TSNAX: variants seen among roughly 807,000 people sequenced by gnomAD.
TSNAX encodes the protein translin-associated protein X.
TSNAX carries 12 observed loss-of-function variants against 33.0 expected under a neutral mutation model. That is an observed-to-expected ratio of 0.36 (90% CI 0.23 to 0.59). The LOEUF is 0.59. Ranked by LOEUF, TSNAX falls within the 20% of genes least tolerant of loss-of-function variation. TSNAX has a pLI of 0.74. For missense variants in TSNAX, 267 were observed against 341.3 expected (o/e 0.78, Z 1.72); for synonymous variants, 110 against 117.2 (o/e 0.94, Z 0.40).
At chr1:231,562,185 TATTA>T (rs1229051458) in intron 5 of TSNAX, among the ~76,000 whole-genome samples, 4 of 148,416 alleles carry the variant, frequency 2.7e-5, no homozygotes, top group Admixed American at 6.7e-5. Flanking sequence ...ATTATTAAAT[TATTA>T]ATTTAATTTA....
At position 231,565,102 on chromosome 1, in the gene TSNAX, T is replaced by C. The variant is rs566065458; in HGVS notation, c.*197T>C. ...TTCTTATATCTTATTCATGAAAGTT[T>C]GCATACAGATGTTTGCATATATGCC... is the stretch of plus-strand genomic sequence containing the variant. On this transcript the variant is annotated 3_prime_UTR_variant, in exon 6 of 6. Coordinates refer to ENST00000366639, the MANE Select transcript of TSNAX (RefSeq NM_005999.3). The C allele has an allele frequency of 1.5e-6, 1 of 667,522 alleles. No homozygotes were observed. Among genetic ancestry groups the C allele is most frequent in the Non-Finnish European group, 2.4e-6 (1 of 421,156 alleles). 41.3% of individuals were successfully genotyped at this position (667,522 alleles called of 1,614,324 possible).
Position 231,547,203 on chromosome 1 carries a change from G to A in TSNAX, c.367+4592G>A, listed in dbSNP as rs142742577. Among the ~76,000 whole-genome samples, 41 of 152,070 alleles carry A rather than the reference G, an allele frequency of 2.7e-4. 1 individual carries two copies. The highest frequency in any genetic ancestry group is 8.7e-4 in the African/African-American group (36 of 41,492). ...CTGTTTGAAAGTGATTTTATAACTG[G>A]TGAGAAGACTTTTAGTTCTACTACC... is the stretch of plus-strand genomic sequence containing the variant. On this transcript the variant is annotated intron_variant, in intron 4 of 5. Coordinates refer to ENST00000366639, the MANE Select transcript of TSNAX (RefSeq NM_005999.3).
chr1:231,551,029 A>G (rs974341783), intron 4 of TSNAX, among the ~76,000 whole-genome samples: 17 of 152,372 alleles, frequency 1.1e-4, no homozygotes, highest in Admixed American at 7.2e-4. Flanking sequence ...AAGCAGTTCT[A>G]TAATATAGTT....
Position 231,536,902 on chromosome 1 carries a change from G to A in TSNAX, c.122-311G>A, listed in dbSNP as rs545782289. ...GGCTGGAGTGCAGTGACTTGATCTCGACTCACTGCAACCTCTGCCTCCGGG... is the reference window on the plus strand; with the variant it reads ...GGCTGGAGTGCAGTGACTTGATCTCAACTCACTGCAACCTCTGCCTCCGGG... On this transcript the variant is annotated intron_variant, in intron 2 of 5. Coordinates refer to ENST00000366639, the MANE Select transcript of TSNAX (RefSeq NM_005999.3). 26 of 170,896 alleles carry A rather than the reference G, an allele frequency of 1.5e-4. No homozygotes were observed. The East Asian group carries it at 3.4e-3, about 22-fold the overall frequency. The allele number at this position is 170,896 out of a possible 1,614,324, so 10.6% of individuals were successfully genotyped here.
intron 2 of TSNAX, among the ~76,000 whole-genome samples, chr1:231,532,702 G>A (rs1348216295): frequency 6.6e-6 from 1 of 152,054 alleles, no homozygotes; most frequent in Non-Finnish European, 1.5e-5. Flanking sequence ...TGTTTACTAA[G>A]TTCATTTTTT....
rs1387415373 is a variant in TSNAX, at chr1:231,528,844, A to G, written c.16+18A>G. On this transcript the variant is annotated intron_variant, in intron 1 of 5. Transcript: ENST00000366639. ...CAAAGAAGGTGGCGTCCTTAACAAC[A>G]CGGGGCGTTATTTATCCGGAGGGGG... 4 of 1,613,900 alleles carry G rather than the reference A, an allele frequency of 2.5e-6. No homozygotes were observed. Among genetic ancestry groups the G allele is most frequent in the Non-Finnish European group, 3.4e-6 (4 of 1,179,960 alleles).
rs1170756346 is a variant in TSNAX, at chr1:231,545,783, A to C, written c.367+3172A>C. ...TAAAGTGGATGTTTTGGGCCAGTTA[A>C]GATATGTTTTTAGCCACTATTCTTT... On this transcript the variant is annotated intron_variant, in intron 4 of 5. Coordinates refer to ENST00000366639, the MANE Select transcript of TSNAX (RefSeq NM_005999.3). Among the ~76,000 whole-genome samples, 3 of 152,208 alleles carry C rather than the reference A, an allele frequency of 2.0e-5. No individual in the cohort carries two copies. In the East Asian group the frequency reaches 5.8e-4, roughly 29 times the overall value.
chr1:231,557,861 T>G (rs536990686), intron 4 of TSNAX, among the ~76,000 whole-genome samples: 13 of 152,152 alleles, frequency 8.5e-5, no homozygotes, highest in African/African-American at 2.7e-4. Context: ...TTCATCAGGC[T>G]CCAAACAGGA....
At chr1:231,529,406 A>T in intron 2 of TSNAX, 47 bp downstream of exon 2, 1 of 1,582,520 alleles carries the variant, frequency 6.3e-7, no homozygotes, top group Non-Finnish European at 8.7e-7. Context: ...GAACAAAATT[A>T]TTTAGCCATG....
In TSNAX at chr1:231,547,841, C is replaced by CTTT. The variant is rs35520639; in HGVS notation, c.367+5247_367+5249dup. 9.3e-4 allele frequency among the ~76,000 whole-genome samples: 115 copies of CTTT among 123,874 alleles called. 6 individuals are homozygous for CTTT. Among genetic ancestry groups the CTTT allele is most frequent in the African/African-American group, 3.1e-3 (101 of 32,724 alleles). The allele number at this position is 123,874 out of a possible 152,430, so 81.3% of individuals were successfully genotyped here. On this transcript the variant is annotated intron_variant, in intron 4 of 5. Coordinates refer to ENST00000366639, the MANE Select transcript of TSNAX (RefSeq NM_005999.3). Reference sequence around the variant, plus strand: ...CCAAGGAACAAAAAACCATTGCTTTCTTTTTTTTTTTTTTTTTTTGAGACA... The same window carrying CTTT: ...CCAAGGAACAAAAAACCATTGCTTTCTTTTTTTTTTTTTTTTTTTTTTGAGACA...
intron 4 of TSNAX, among the ~76,000 whole-genome samples, chr1:231,547,693 T>G (rs887660255): frequency 2.7e-5 from 4 of 149,550 alleles, no homozygotes; most frequent in African/African-American, 9.8e-5. Flanking sequence ...GCCCAGCCAA[T>G]TTGCTGTTAC....
intron 3 of TSNAX, among the ~76,000 whole-genome samples, chr1:231,540,548 C>G (rs1558124081): frequency 6.6e-6 from 1 of 152,118 alleles, no homozygotes; most frequent in Non-Finnish European, 1.5e-5. Context: ...ATTTATGGAG[C>G]CTTAATTTTG....
intron 2 of TSNAX, among the ~76,000 whole-genome samples, 194 bp downstream of exon 2, chr1:231,529,553 A>G (rs531398597): frequency 5.2e-5 from 8 of 152,388 alleles, no homozygotes; most frequent in South Asian, 2.1e-4. Flanking sequence ...AAATATTAGT[A>G]ATCAGGTAAA....
Position 231,528,787 on chromosome 1 carries a change from C to A in TSNAX, c.-24C>A, listed in dbSNP as rs770804364. The A allele has an allele frequency of 6.2e-7, 1 of 1,614,020 alleles. No homozygotes were observed. The highest frequency in any genetic ancestry group is 8.5e-7 in the Non-Finnish European group (1 of 1,180,032). On this transcript the variant is annotated 5_prime_UTR_variant, in exon 1 of 6. Transcript: ENST00000366639. ...TGCTCCAGGTCCTTCAGTCTCCGCTCGTCTCACCGTAGGCTGTGACGACAT... is the reference window on the plus strand; with the variant it reads ...TGCTCCAGGTCCTTCAGTCTCCGCTAGTCTCACCGTAGGCTGTGACGACAT...
At chr1:231,553,058 C>T (rs1660427311) in intron 4 of TSNAX, among the ~76,000 whole-genome samples, 1 of 152,042 alleles carries the variant, frequency 6.6e-6, no homozygotes, top group Non-Finnish European at 1.5e-5. Flanking sequence ...TTAATATTTG[C>T]CTACAAGTCT....
intron 4 of TSNAX, among the ~76,000 whole-genome samples, chr1:231,544,037 C>T (rs1005251907): frequency 6.6e-6 from 1 of 152,158 alleles, no homozygotes; most frequent in Non-Finnish European, 1.5e-5. Context: ...ATAATAGTAG[C>T]TGTGACCATA....
chr1:231,532,179 C>CACACACACACACACACACACACAT (rs1658792097), intron 2 of TSNAX, among the ~76,000 whole-genome samples: 2 of 96,104 alleles, frequency 2.1e-5, no homozygotes, highest in Admixed American at 2.3e-4. Context: ...CACACACACA[C>CACACACACACACACACACACACAT]ACACACAGTT....
At chr1:231,564,114 A>G (rs540406485) in intron 5 of TSNAX, among the ~76,000 whole-genome samples, 115 of 152,316 alleles carry the variant, frequency 7.6e-4, no homozygotes, top group African/African-American at 2.6e-3. Flanking sequence ...AGCCAGAAAA[A>G]GACTGAGCTT....
intron 4 of TSNAX, 23 bp downstream of exon 4, chr1:231,542,634 G>C (rs1431955013): frequency 6.2e-7 from 1 of 1,603,656 alleles, no homozygotes; most frequent in Non-Finnish European, 8.5e-7. Context: ...TTGTTTCAGG[G>C]TAATATATAT....
Sources: gnomAD v4.1 joint callset for allele counts (sites outside exome capture counted in the v4.1 genomes callset) on GRCh38, gnomAD v4.1.1 for gene constraint, MANE v1.5 for transcripts, NCBI Gene and HGNC (gene_info 2026-07-23, HGNC 2026-07-21) for gene names.